The following ZRSR2 variants were observed in gnomAD, a reference collection of about 807,000 sequenced individuals.
ZRSR2 encodes the protein U2 small nuclear ribonucleoprotein auxiliary factor 35 kDa subunit-related protein 2.
Under a neutral mutation model 39.4 loss-of-function variants are expected in ZRSR2, and 3 were observed. That is an observed-to-expected ratio of 0.08 (90% CI 0.03 to 0.20). The LOEUF is 0.20. Ranked by LOEUF, ZRSR2 falls within the 10% of genes least tolerant of loss-of-function variation. ZRSR2 has a pLI of 1.00. For missense variants in ZRSR2, 256 were observed against 391.5 expected (o/e 0.65, Z 2.92); for synonymous variants, 137 against 136.0 (o/e 1.01, Z -0.05).
At chrX:15,799,122 G>A (rs1279368326) in intron 2 of ZRSR2, among the ~76,000 whole-genome samples, 1 of 106,834 alleles carries the variant, frequency 9.4e-6, no homozygotes, top group Admixed American at 1.0e-4. Context: ...GGAGGCGGAG[G>A]TTGCAGTGAG....
intron 2 of ZRSR2, among the ~76,000 whole-genome samples, chrX:15,798,462 C>A (rs375349587): frequency 6.2e-5 from 7 of 112,250 alleles, no homozygotes; most frequent in Admixed American, 2.9e-4. Context: ...GCCTTTCTTT[C>A]TTTTTCTCTA....
chrX:15,800,182 CT>C (rs1230382473), intron 3 of ZRSR2, among the ~76,000 whole-genome samples: 3 of 88,777 alleles, frequency 3.4e-5, no homozygotes, highest in African/African-American at 1.2e-4. Context: ...AATTTTTTTT[CT>C]TTCTTTTTTT....
At chrX:15,818,291 G>A (rs1351835017) in intron 8 of ZRSR2, among the ~76,000 whole-genome samples, 3 of 112,517 alleles carry the variant, frequency 2.7e-5, no homozygotes, top group African/African-American at 6.5e-5. Flanking sequence ...AGTGGAAAAC[G>A]TTAGTGTTAA....
chrX:15,808,779 G>A (rs1050041387), intron 6 of ZRSR2, among the ~76,000 whole-genome samples: 22 of 110,038 alleles, frequency 2.0e-4, no homozygotes, highest in East Asian at 1.1e-3. Context: ...GCACCACCAC[G>A]CCCAGCTAAT....
At chrX:15,803,563 T>C in intron 3 of ZRSR2, 125 bp from the exon 4 acceptor site, 2 of 931,774 alleles carry the variant, frequency 2.1e-6, no homozygotes, top group Non-Finnish European at 1.5e-6. Context: ...CTTGACTGCT[T>C]TAATAGAAAA....
intron 2 of ZRSR2, among the ~76,000 whole-genome samples, chrX:15,797,862 T>C (rs1431281727): frequency 1.8e-5 from 2 of 111,555 alleles, no homozygotes; most frequent in East Asian, 2.8e-4. Flanking sequence ...GTATATGAGC[T>C]TGGTTTCGAG....
At chrX:15,790,899 C>T (rs2147275352) in intron 1 of ZRSR2, 35 bp from the exon 2 acceptor site, 2 of 1,168,583 alleles carry the variant, frequency 1.7e-6, no homozygotes, top group East Asian at 5.9e-5. Context: ...TGCATTGTAG[C>T]CGCTGATCGT....
At chrX:15,796,099 G>T (rs909571101) in intron 2 of ZRSR2, among the ~76,000 whole-genome samples, 1 of 109,504 alleles carries the variant, frequency 9.1e-6, no homozygotes, top group African/African-American at 3.3e-5. Flanking sequence ...CATGAACTCG[G>T]CTCACTGCAA....
intron 7 of ZRSR2, 38 bp from the exon 8 acceptor site, chrX:15,815,639 A>G (rs1324178013): frequency 1.8e-6 from 2 of 1,110,805 alleles, no homozygotes; most frequent in Non-Finnish European, 2.5e-6. Context: ...ATTTTCAACT[A>G]TTGGCCTAGT....
intron 2 of ZRSR2, among the ~76,000 whole-genome samples, chrX:15,793,570 A>G (rs771216461): frequency 3.6e-5 from 4 of 110,384 alleles, no homozygotes; most frequent in Non-Finnish European, 7.6e-5. Flanking sequence ...ACAGAGTCTC[A>G]CTCTCTCGCC....
chrX:15,807,204 A>G (rs1182363761), intron 5 of ZRSR2, among the ~76,000 whole-genome samples: 1 of 112,400 alleles, frequency 8.9e-6, no homozygotes, highest in Non-Finnish European at 1.9e-5. Context: ...CCTAAATGCT[A>G]ATTACCACTG....
intron 6 of ZRSR2, among the ~76,000 whole-genome samples, chrX:15,808,703 C>A (rs1932836335): frequency 9.4e-6 from 1 of 106,216 alleles, no homozygotes; most frequent in Non-Finnish European, 1.9e-5. Context: ...CTCACTGCAA[C>A]CTCCGCCTCC....
At chrX:15,801,345 C>T (rs1932664022) in intron 3 of ZRSR2, 1 of 279,966 alleles carries the variant, frequency 3.6e-6, no homozygotes, top group Non-Finnish European at 7.0e-6. Flanking sequence ...TCTCCTGCCT[C>T]AGCCTCCCGA....
At chrX:15,797,904 G>A (rs1932536116) in intron 2 of ZRSR2, among the ~76,000 whole-genome samples, 1 of 111,826 alleles carries the variant, frequency 8.9e-6, no homozygotes, top group Non-Finnish European at 1.9e-5. Flanking sequence ...CAGTCAACAG[G>A]TGTTTGTGAG....
Position 15,790,522 on chromosome X carries a change from T to C in ZRSR2, c.27T>C (p.Phe9=). MAAPEKMT[F]PEKPSHKKYR... is the part of the protein sequence containing the mutation. The stretch of plus-strand genomic sequence containing the variant: ...TGGCTGCGCCCGAGAAGATGACGTT[T>C]CCCGAGAAACCAAGGTAAGCGCCGT... Residue 9 remains phenylalanine (F), a synonymous_variant, in exon 1 of 11, where the codon TTT becomes TTC. Transcript: ENST00000307771. 1 of 1,161,020 alleles carries C rather than the reference T, an allele frequency of 8.6e-7. No individual in the cohort carries two copies.
chrX:15,797,194 A>G (rs768234548), intron 2 of ZRSR2, among the ~76,000 whole-genome samples: 1 of 108,409 alleles, frequency 9.2e-6, no homozygotes, highest in South Asian at 4.0e-4. Context: ...ATTGCTTAAC[A>G]GTATCTGCAT....
chrX:15,798,841 A>G (rs1488145623), intron 2 of ZRSR2, among the ~76,000 whole-genome samples: 1 of 111,432 alleles, frequency 9.0e-6, no homozygotes, highest in African/African-American at 3.3e-5. Flanking sequence ...ACATCATGAG[A>G]CCTTTCACAT....
chrX:15,807,299 G>GT (rs989566158), intron 5 of ZRSR2, among the ~76,000 whole-genome samples: 11 of 108,342 alleles, frequency 1.0e-4, no homozygotes, highest in South Asian at 4.0e-4. Flanking sequence ...TTGTTTGTTC[G>GT]TTTTTTTTTA....
At chrX:15,791,079 A>C in intron 2 of ZRSR2, 66 bp downstream of exon 2, 1 of 1,000,195 alleles carries the variant, frequency 1.0e-6, no homozygotes, top group Non-Finnish European at 1.4e-6. Context: ...CCCTAACTTG[A>C]AGCCCCAGTG....
Sources: gnomAD v4.1 joint callset for allele counts (sites outside exome capture counted in the v4.1 genomes callset) on GRCh38, gnomAD v4.1.1 for gene constraint, MANE v1.5 for transcripts, NCBI Gene and HGNC (gene_info 2026-07-23, HGNC 2026-07-21) for gene names.